Variants in NEBL observed in about 807,000 individuals in gnomAD.
NEBL encodes the protein nebulette.
NEBL carries 122 observed loss-of-function variants against 140.2 expected under a neutral mutation model. The ratio of observed to expected loss-of-function variants is 0.87; its 90% CI spans 0.75 to 1.01. The LOEUF is 1.01. Ranked by LOEUF, NEBL falls within the 50% of genes least tolerant of loss-of-function variation. The probability of loss-of-function intolerance (pLI) is 0.00; values close to 1 mark genes in which losing one functional copy is unlikely to be tolerated. For missense variants in NEBL, 1,365 were observed against 1,231.3 expected, an observed-to-expected ratio of 1.11 and a Z score of -1.62; for synonymous variants, 436 against 398.9, an observed-to-expected ratio of 1.09 and a Z score of -1.11.
intron 26 of NEBL, among the ~76,000 whole-genome samples, chr10:20,807,996 A>C (rs1000072111): frequency 2.1e-4 from 32 of 150,616 alleles, no homozygotes; most frequent in African/African-American, 6.9e-4. Flanking sequence ...AAAAAAAAAA[A>C]CCCTCTCATA....
rs1029775548 is a variant in NEBL at position 20,843,134 on chromosome 10, C to T, written c.1227+2124G>A. ...TAGATGGGATTGTGAGAGTGGGACT[C>T]CCTTGATAAGATTAATATCTCTAAA... On this transcript the variant is annotated intron_variant, in intron 12 of 27. Transcript: ENST00000377122. Among the ~76,000 whole-genome samples, 6 of 152,056 alleles carry T rather than the reference C, an allele frequency of 3.9e-5. No individual in the cohort carries two copies. The South Asian group carries it at 1.2e-3, about 32-fold the overall frequency.
intron 1 of NEBL, among the ~76,000 whole-genome samples, chr10:21,282,632 G>A (rs1488262386): frequency 1.3e-5 from 2 of 152,168 alleles, no homozygotes; most frequent in African/African-American, 2.4e-5. Flanking sequence ...ACTAGAGGCT[G>A]AAGAAAGACC....
intron 3 of NEBL, among the ~76,000 whole-genome samples, chr10:20,995,802 C>T (rs941943728): frequency 1.3e-5 from 2 of 152,066 alleles, no homozygotes; most frequent in Non-Finnish European, 2.9e-5. Context: ...TGCTGCTCGG[C>T]TTGAAAATAA....
At chr10:21,092,055 T>A (rs1446484767) in intron 2 of NEBL, among the ~76,000 whole-genome samples, 1 of 152,270 alleles carries the variant, frequency 6.6e-6, no homozygotes, top group Non-Finnish European at 1.5e-5. Flanking sequence ...TTATGTCGTA[T>A]CTTACAGAGT....
chr10:20,780,237 C>T lies in NEBL; in HGVS notation c.*5510G>A, dbSNP rs899894677. The T allele has an allele frequency of 1.3e-5, 2 of 152,174 alleles. No individual in the cohort carries two copies. The highest frequency in any genetic ancestry group is 4.8e-5 in the African/African-American group (2 of 41,442). The allele number at this position is 152,174 out of a possible 1,614,324, so 9.4% of individuals were successfully genotyped here. A position where few individuals can be genotyped will look rare whatever the true frequency, so the allele number is the denominator to read the frequency against. On this transcript the variant is annotated 3_prime_UTR_variant, in exon 28 of 28. Coordinates refer to ENST00000377122, the MANE Select transcript of NEBL (RefSeq NM_006393.3). ...AATCAGTTGCTTCCCATTTTATGTA[C>T]TCAATTTGTGCACTTTCTATTCTAT...
chr10:20,891,085 G>A (rs1003568207), intron 2 of NEBL, among the ~76,000 whole-genome samples: 5 of 152,110 alleles, frequency 3.3e-5, no homozygotes, highest in Admixed American at 1.3e-4. Flanking sequence ...ATACACTAAT[G>A]GTACATGGAG....
intron 4 of NEBL, among the ~76,000 whole-genome samples, chr10:20,881,261 A>C (rs1030166467): frequency 6.6e-6 from 1 of 152,190 alleles, no homozygotes; most frequent in Non-Finnish European, 1.5e-5. Flanking sequence ...AGTAGAGGGG[A>C]ATTATAGGAT....
intron 1 of NEBL, among the ~76,000 whole-genome samples, chr10:21,256,242 A>G (rs1161878595): frequency 6.6e-6 from 1 of 151,896 alleles, no homozygotes; most frequent in Non-Finnish European, 1.5e-5. Flanking sequence ...TAATTTTTGT[A>G]TTTTTAGTAG....
At chr10:20,844,469 G>T (rs1841715547) in intron 12 of NEBL, among the ~76,000 whole-genome samples, 1 of 149,040 alleles carries the variant, frequency 6.7e-6, no homozygotes, top group African/African-American at 2.5e-5. Flanking sequence ...TATATAAGCA[G>T]ATTTGGAAAA....
rs575006569 is a variant in NEBL at position 21,040,614 on chromosome 10, G to GC, written c.165-20414dup. Among the ~76,000 whole-genome samples, 605 of 152,156 alleles carry GC rather than the reference G, an allele frequency of 4.0e-3. 4 individuals are homozygous for GC. Among genetic ancestry groups the GC allele is most frequent in the African/African-American group, 0.014 (571 of 41,514 alleles). The stretch of plus-strand genomic sequence containing the variant: ...ACACAAAGCCATTCATGAGAGATTG[G>GC]CCCCCATGACCCAAACACCTCCCAC... On this transcript the variant is annotated intron_variant, in intron 2 of 6. Transcript: ENST00000417816.
chr10:20,790,133 C>T (rs1342608631), intron 26 of NEBL, among the ~76,000 whole-genome samples: 2 of 151,920 alleles, frequency 1.3e-5, no homozygotes, highest in Non-Finnish European at 2.9e-5. Flanking sequence ...GAATGAGAAA[C>T]TTTGGAATAA....
rs573425178 is a variant in NEBL at position 21,140,641 on chromosome 10, G to A, written c.164+31742C>T. On this transcript the variant is annotated intron_variant, in intron 2 of 6. Transcript: ENST00000417816. ...ATATATAGAATAACAAGACATTTAC[G>A]GTAAAATAAAATCACACAATGAAAA... Among the ~76,000 whole-genome samples, 12 of 151,846 alleles carry A rather than the reference G, an allele frequency of 7.9e-5. 1 individual carries two copies. In the South Asian group the frequency reaches 1.9e-3, roughly 24 times the overall value.
chr10:21,262,145 C>T (rs984414439), intron 1 of NEBL, among the ~76,000 whole-genome samples: 26 of 152,122 alleles, frequency 1.7e-4, no homozygotes, highest in South Asian at 2.1e-4. Flanking sequence ...TGGCAAATTG[C>T]GAGGGCCTCG....
At chr10:21,051,144 A>G (rs1834762036) in intron 2 of NEBL, among the ~76,000 whole-genome samples, 1 of 152,190 alleles carries the variant, frequency 6.6e-6, no homozygotes, top group African/African-American at 2.4e-5. Context: ...AAAAACACAT[A>G]CACCTCAACC....
intron 3 of NEBL, among the ~76,000 whole-genome samples, chr10:21,227,711 T>TTTCTTC (rs796306558): frequency 0.019 from 865 of 46,234 alleles, 64 homozygotes; most frequent in Middle Eastern, 0.066. Context: ...CTTCTTCTTC[T>TTTCTTC]TTCTTCTTCT....
chr10:21,084,059 C>T (rs1168460802), intron 2 of NEBL, among the ~76,000 whole-genome samples: 2 of 152,174 alleles, frequency 1.3e-5, no homozygotes, highest in East Asian at 3.8e-4. Flanking sequence ...GCACAGTTCC[C>T]AAGTATTTGG....
intron 11 of NEBL, among the ~76,000 whole-genome samples, chr10:20,845,688 C>G (rs2131010148): frequency 6.6e-6 from 1 of 152,182 alleles, no homozygotes; most frequent in Middle Eastern, 3.4e-3. Flanking sequence ...CTGGATCCCC[C>G]AATTGGTTTA....
chr10:20,849,667 T>C (rs1842319568), intron 11 of NEBL, among the ~76,000 whole-genome samples: 1 of 152,214 alleles, frequency 6.6e-6, no homozygotes, highest in Non-Finnish European at 1.5e-5. Context: ...CCTTGGATTT[T>C]GAACTTCCAG....
At chr10:21,187,504 A>AT (rs1841495173) in intron 3 of NEBL, among the ~76,000 whole-genome samples, 1 of 150,206 alleles carries the variant, frequency 6.7e-6, no homozygotes, top group Admixed American at 6.7e-5. Flanking sequence ...TATTACTATT[A>AT]TTATTTATTA....
Sources: allele counts gnomAD v4.1 joint callset (sites outside exome capture counted in the v4.1 genomes callset), GRCh38; gene constraint gnomAD v4.1.1; transcripts MANE v1.5; gene names NCBI Gene and HGNC (gene_info 2026-07-23, HGNC 2026-07-21).